The following RBM20 variants were observed in gnomAD, a reference collection of about 807,000 sequenced individuals.
RBM20 encodes RNA-binding protein 20.
A neutral mutation model predicts 110.1 loss-of-function variants in RBM20; 51 were observed. That is an observed-to-expected ratio of 0.46 (90% CI 0.37 to 0.59). RBM20 has a LOEUF of 0.59. Ranked by LOEUF, RBM20 falls within the 20% of genes least tolerant of loss-of-function variation. The pLI, the probability that RBM20 is intolerant of heterozygous loss-of-function variation, is 0.00. For synonymous variants in RBM20, 589 were observed against 618.2 expected (o/e 0.95, Z 0.70); for missense variants, 1,512 against 1,574.9 (o/e 0.96, Z 0.68).
intron 1 of RBM20, among the ~76,000 whole-genome samples, chr10:110,761,783 G>A (rs189239893): frequency 6.2e-4 from 94 of 152,302 alleles, no homozygotes; most frequent in African/African-American, 2.1e-3. Flanking sequence ...GATTATCCCC[G>A]TCTATCCTGG....
intron 1 of RBM20, among the ~76,000 whole-genome samples, chr10:110,749,562 C>T (rs1054835677): frequency 2.0e-5 from 3 of 151,988 alleles, no homozygotes; most frequent in African/African-American, 7.3e-5. Context: ...CAATAAATAT[C>T]CCAACAGGAT....
chr10:110,684,832 A>G (rs1862478773), intron 1 of RBM20, among the ~76,000 whole-genome samples: 1 of 152,164 alleles, frequency 6.6e-6, no homozygotes, highest in Non-Finnish European at 1.5e-5. Context: ...AGCCTAAATA[A>G]AGTTATGAGT....
Position 110,801,834 on chromosome 10 carries a change from C to T in RBM20, c.1800+1916C>T, listed in dbSNP as rs574131106. ...TGCTGGGATTACAAGCGTGAACCAC[C>T]GTGCCTGGCCAGTTTATCACAGTTT... is the stretch of plus-strand genomic sequence containing the variant. On this transcript the variant is annotated intron_variant, in intron 7 of 13. Coordinates refer to ENST00000369519, the MANE Select transcript of RBM20 (RefSeq NM_001134363.3). 1.8e-4 allele frequency among the ~76,000 whole-genome samples: 28 copies of T among 152,036 alleles called. No homozygotes were observed. The South Asian group carries it at 3.7e-3, about 20-fold the overall frequency.
chr10:110,737,177 CAA>C (rs550138775), intron 1 of RBM20, among the ~76,000 whole-genome samples: 10 of 26,620 alleles, frequency 3.8e-4, no homozygotes, highest in Admixed American at 7.6e-4. Context: ...AACTCTGCCT[CAA>C]AAAAAAAAAA....
At chr10:110,777,743 A>G (rs1343090209) in intron 1 of RBM20, among the ~76,000 whole-genome samples, 2 of 152,200 alleles carry the variant, frequency 1.3e-5, no homozygotes, top group Non-Finnish European at 2.9e-5. Flanking sequence ...GCAAAGGGGA[A>G]TCTCTACTAA....
At chr10:110,753,804 G>C (rs1009996066) in intron 1 of RBM20, among the ~76,000 whole-genome samples, 1 of 152,302 alleles carries the variant, frequency 6.6e-6, no homozygotes, top group South Asian at 2.1e-4. Context: ...TCTTTTCCCA[G>C]CATTGCGATG....
In RBM20 at chr10:110,754,993, T is replaced by G. The variant is rs74407445; in HGVS notation, c.192-25808T>G. 1.4e-3 allele frequency among the ~76,000 whole-genome samples: 207 copies of G among 152,358 alleles called. 2 individuals are homozygous for G. In the East Asian group the frequency reaches 0.023, roughly 17 times the overall value. ...TGCTCTCCTTCCTCTGGTTGCCTTT[T>G]GGAGTCACTACAAATGAAATTCATT... On this transcript the variant is annotated intron_variant, in intron 1 of 13. Coordinates refer to ENST00000369519, the MANE Select transcript of RBM20 (RefSeq NM_001134363.3).
In RBM20 at chr10:110,812,393, C is replaced by A; in HGVS notation, c.1996C>A (p.Arg666=). ...SSSHSPPGPS[R]ADWGNGRDSW... is the part of the protein sequence containing the mutation. ...TTCCCACAGCCCTCCGGGCCCCTCC[C>A]GGGCTGACTGGGGCAATGGCCGGGA... The change falls in exon 9 of 14, where the codon CGG becomes AGG. Residue 666 remains arginine, a synonymous_variant. Transcript: ENST00000369519. 2 of 1,551,704 alleles carry A rather than the reference C, an allele frequency of 1.3e-6. No homozygotes were observed. Among genetic ancestry groups the A allele is most frequent in the Non-Finnish European group, 1.7e-6 (2 of 1,147,016 alleles).
chr10:110,726,634 A>C (rs1359095287), intron 1 of RBM20, among the ~76,000 whole-genome samples: 2 of 152,168 alleles, frequency 1.3e-5, no homozygotes, highest in Non-Finnish European at 2.9e-5. Flanking sequence ...TTGTAGAAAA[A>C]CTACAAAGTT....
intron 1 of RBM20, among the ~76,000 whole-genome samples, chr10:110,698,357 C>A (rs1030041786): frequency 6.6e-6 from 1 of 152,150 alleles, no homozygotes; most frequent in African/African-American, 2.4e-5. Flanking sequence ...AGGGGAGCAC[C>A]GGAAAAAGAG....
chr10:110,673,398 G>A (rs1426882969), intron 1 of RBM20, among the ~76,000 whole-genome samples: 6 of 152,160 alleles, frequency 3.9e-5, no homozygotes. Flanking sequence ...TTTTAGTAGA[G>A]ACAGGGTTTC....
intron 1 of RBM20, among the ~76,000 whole-genome samples, chr10:110,693,216 A>G (rs1245015182): frequency 5.9e-5 from 9 of 151,828 alleles, no homozygotes; most frequent in Non-Finnish European, 1.2e-4. Context: ...TTGTTCTATC[A>G]TTTTTCTTTT....
At chr10:110,719,440 C>G (rs1336014373) in intron 1 of RBM20, among the ~76,000 whole-genome samples, 1 of 152,196 alleles carries the variant, frequency 6.6e-6, no homozygotes, top group Non-Finnish European at 1.5e-5. Context: ...TGACAAATTC[C>G]TAATTCCTAA....
rs1296423895 is a variant in RBM20, at chr10:110,838,344, G to A, written c.*2366G>A. On this transcript the variant is annotated 3_prime_UTR_variant, in exon 14 of 14. Transcript: ENST00000369519. ...CTGAAAAGTTGGTATCTCAAATAAAGTCTGAAGATCACGGCTCAGCCCAGA... is the reference window on the plus strand; with the variant it reads ...CTGAAAAGTTGGTATCTCAAATAAAATCTGAAGATCACGGCTCAGCCCAGA... 6.6e-6 allele frequency: 1 copy of A among 152,180 alleles called. No homozygotes were observed. Among genetic ancestry groups the A allele is most frequent in the East Asian group, 1.9e-4 (1 of 5,196 alleles). 9.4% of individuals were successfully genotyped at this position (152,180 alleles called of 1,614,324 possible).
chr10:110,819,772 C>T (rs918527554), intron 9 of RBM20, among the ~76,000 whole-genome samples: 1 of 152,114 alleles, frequency 6.6e-6, no homozygotes, highest in African/African-American at 2.4e-5. Context: ...CAAAAAATAC[C>T]CAGTTTGCCA....
intron 1 of RBM20, among the ~76,000 whole-genome samples, chr10:110,702,593 C>T (rs1355530445): frequency 1.3e-5 from 2 of 152,194 alleles, no homozygotes; most frequent in Non-Finnish European, 2.9e-5. Flanking sequence ...GCTTTGTGAT[C>T]GGAAGGATGT....
At chr10:110,822,931 G>A (rs892349339) in intron 11 of RBM20, among the ~76,000 whole-genome samples, 6 of 152,102 alleles carry the variant, frequency 3.9e-5, no homozygotes, top group African/African-American at 1.4e-4. Flanking sequence ...AAGAATAAAG[G>A]AGGAGTGAAA....
At position 110,835,878 on chromosome 10, in the gene RBM20, C is replaced by G. The variant is rs753102653; in HGVS notation, c.3584C>G (p.Ser1195Cys). Residue 1195 changes from serine to cysteine, a missense_variant, in exon 14 of 14, where the codon TCC becomes TGC. Physicochemically the swap from Ser to Cys is moderately radical, Grantham distance 112. Coordinates refer to ENST00000369519, the MANE Select transcript of RBM20 (RefSeq NM_001134363.3). ...VHYRNLQKYL[S>C]QLAEEGLKET... ...CTCTTCTTTCCACAGAAATATTTGT[C>G]CCAGCTGGCCGAGGAGGGCCTCAAG... is the stretch of plus-strand genomic sequence containing the variant. 11 of 1,550,564 alleles carry G rather than the reference C, an allele frequency of 7.1e-6. No individual in the cohort carries two copies. Among genetic ancestry groups the G allele is most frequent in the Non-Finnish European group, 9.6e-6 (11 of 1,146,298 alleles).
At chr10:110,822,366 A>G (rs1844925004) in intron 11 of RBM20, 1 of 453,750 alleles carries the variant, frequency 2.2e-6, no homozygotes, top group South Asian at 1.6e-5. Flanking sequence ...GGGAAGGAAC[A>G]GAGGATCCTT....
Sources: gnomAD v4.1 joint callset for allele counts (sites outside exome capture counted in the v4.1 genomes callset) on GRCh38, gnomAD v4.1.1 for gene constraint, MANE v1.5 for transcripts, NCBI Gene and HGNC (gene_info 2026-07-23, HGNC 2026-07-21) for gene names.